MID1: variants seen among roughly 807,000 people sequenced by gnomAD.
The protein encoded by MID1 is midline 1.
In MID1, 7 loss-of-function variants were observed where a neutral mutation model predicts 40.4. The ratio of observed to expected loss-of-function variants is 0.17; its 90% CI spans 0.10 to 0.33. The LOEUF is 0.33. Ranked by LOEUF, MID1 falls within the 10% of genes least tolerant of loss-of-function variation. The probability of loss-of-function intolerance (pLI) is 1.00; values close to 1 mark genes in which losing one functional copy is unlikely to be tolerated. For missense variants in MID1, 367 were observed against 558.5 expected, an observed-to-expected ratio of 0.66 and a Z score of 3.46; for synonymous variants, 229 against 221.2, an observed-to-expected ratio of 1.04 and a Z score of -0.31.
At chrX:10,646,272 G>A (rs1009233696) in intron 1 of MID1, among the ~76,000 whole-genome samples, 1 of 111,086 alleles carries the variant, frequency 9.0e-6, no homozygotes, top group Admixed American at 9.5e-5. Flanking sequence ...TCTGCCCAGT[G>A]GTCCTTGTAA....
intron 1 of MID1, among the ~76,000 whole-genome samples, chrX:10,729,561 T>C (rs2043425597): frequency 8.9e-6 from 1 of 112,014 alleles, no homozygotes; most frequent in African/African-American, 3.2e-5. Context: ...CTCATCCAGA[T>C]GGTACTCGAA....
chrX:10,638,433 TGCAAGGTG>T (rs1422259185), intron 1 of MID1, among the ~76,000 whole-genome samples: 1 of 111,869 alleles, frequency 8.9e-6, no homozygotes, highest in Non-Finnish European at 1.9e-5. Context: ...GAGATCGAAC[TGCAAGGTG>T]GCAGCGAGGT....
intron 1 of MID1, among the ~76,000 whole-genome samples, chrX:10,697,294 G>A (rs1007887755): frequency 2.7e-5 from 3 of 111,549 alleles, no homozygotes; most frequent in South Asian, 3.8e-4. Flanking sequence ...TTAATGATCC[G>A]TCCAAGAATC....
intron 1 of MID1, among the ~76,000 whole-genome samples, chrX:10,571,309 C>T (rs1265158481): frequency 2.7e-5 from 3 of 111,695 alleles, no homozygotes; most frequent in Non-Finnish European, 5.6e-5. Flanking sequence ...ATCTATAGTG[C>T]ATCCCACTTT....
chrX:10,617,045 A>G (rs1304758308), intron 1 of MID1, among the ~76,000 whole-genome samples: 1 of 112,408 alleles, frequency 8.9e-6, no homozygotes, highest in Non-Finnish European at 1.9e-5. Context: ...CTTGGGACAC[A>G]ATATACTTGC....
At chrX:10,462,296 T>C (rs1037028036) in intron 7 of MID1, among the ~76,000 whole-genome samples, 3 of 111,955 alleles carry the variant, frequency 2.7e-5, no homozygotes, top group African/African-American at 6.5e-5. Context: ...GAAAGCAACA[T>C]TGACAATTTT....
At chrX:10,664,797 C>G (rs1376366410) in intron 1 of MID1, among the ~76,000 whole-genome samples, 1 of 112,108 alleles carries the variant, frequency 8.9e-6, no homozygotes, top group Non-Finnish European at 1.9e-5. Flanking sequence ...AAAGTCCTTT[C>G]TTGCACACAC....
chrX:10,544,807 A>G (rs1179892325), intron 2 of MID1, among the ~76,000 whole-genome samples: 1 of 112,470 alleles, frequency 8.9e-6, no homozygotes, highest in African/African-American at 3.2e-5. Flanking sequence ...TTTTGATTCA[A>G]ATTTGTAAGG....
At chrX:10,573,345 C>T (rs1303141934) in intron 1 of MID1, among the ~76,000 whole-genome samples, 1 of 111,923 alleles carries the variant, frequency 8.9e-6, no homozygotes, top group Admixed American at 9.4e-5. Context: ...CTGGGAAGTA[C>T]AAGAAGCATG....
At chrX:10,449,789 C>A in intron 9 of MID1, 73 bp from the exon 10 acceptor site, 1 of 751,794 alleles carries the variant, frequency 1.3e-6, no homozygotes, top group Non-Finnish European at 2.0e-6. Flanking sequence ...GTTCTGTGGT[C>A]CTCAGGGGTT....
intron 1 of MID1, among the ~76,000 whole-genome samples, chrX:10,823,655 T>C (rs1210381091): frequency 9.1e-6 from 1 of 110,235 alleles, no homozygotes. Flanking sequence ...ACATATATAA[T>C]ATATATAAAT....
chrX:10,775,219 G>C (rs2043794869), intron 1 of MID1, among the ~76,000 whole-genome samples: 1 of 110,094 alleles, frequency 9.1e-6, no homozygotes. Context: ...GAAGGGAGTT[G>C]GAAATGAAAA....
At chrX:10,567,737 C>A (rs112935227) in intron 1 of MID1, 134 bp from the exon 2 acceptor site, 4 of 451,485 alleles carry the variant, frequency 8.9e-6, no homozygotes, top group African/African-American at 4.8e-5. Flanking sequence ...CCAAATAATT[C>A]TCTTTCTATT....
intron 2 of MID1, among the ~76,000 whole-genome samples, chrX:10,548,770 T>C (rs1302149417): frequency 9.0e-6 from 1 of 111,727 alleles, no homozygotes; most frequent in Non-Finnish European, 1.9e-5. Flanking sequence ...GATGGCTTTC[T>C]TTCCACTTCT....
At chrX:10,776,352 C>G (rs2043802633) in intron 1 of MID1, among the ~76,000 whole-genome samples, 1 of 111,878 alleles carries the variant, frequency 8.9e-6, no homozygotes, top group Non-Finnish European at 1.9e-5. Flanking sequence ...GTATTCAGGA[C>G]AGTCAGAATA....
At chrX:10,750,631 GAAAAATA>G (rs1276318958) in intron 1 of MID1, among the ~76,000 whole-genome samples, 7 of 108,013 alleles carry the variant, frequency 6.5e-5, no homozygotes, top group Admixed American at 9.9e-5. Flanking sequence ...ACTCTGTCTC[GAAAAATA>G]AAAAATAAAA....
At chrX:10,555,102 G>C (rs1014196609) in intron 2 of MID1, among the ~76,000 whole-genome samples, 4 of 111,715 alleles carry the variant, frequency 3.6e-5, no homozygotes, top group Non-Finnish European at 5.6e-5. Context: ...ATATTTATCT[G>C]ACCTATTAGC....
chrX:10,721,019 A>T (rs1452169414), intron 1 of MID1, among the ~76,000 whole-genome samples: 30 of 94,692 alleles, frequency 3.2e-4, no homozygotes, highest in African/African-American at 9.3e-4. Flanking sequence ...GGACACAGGA[A>T]GGGGAACATC....
intron 1 of MID1, among the ~76,000 whole-genome samples, chrX:10,802,104 C>T (rs922741713): frequency 1.8e-5 from 2 of 111,376 alleles, no homozygotes; most frequent in African/African-American, 6.5e-5. Context: ...ATTGCTTGAA[C>T]CTGGGAGATG....
Sources: allele counts gnomAD v4.1 joint callset (sites outside exome capture counted in the v4.1 genomes callset), GRCh38; gene constraint gnomAD v4.1.1; transcripts MANE v1.5; gene names NCBI Gene and HGNC (gene_info 2026-07-23, HGNC 2026-07-21).